Variants in ABCA13 observed in about 807,000 individuals in gnomAD.
The protein encoded by ABCA13 is ATP-binding cassette sub-family A member 13.
In ABCA13, 476 loss-of-function variants were observed where a neutral mutation model predicts 478.7. The ratio of observed to expected loss-of-function variants is 0.99; its 90% CI spans 0.92 to 1.07. The LOEUF is 1.07. Ranked by LOEUF, ABCA13 falls within the 50% of genes least tolerant of loss-of-function variation. The pLI, the probability that ABCA13 is intolerant of heterozygous loss-of-function variation, is 0.00. For synonymous variants in ABCA13, 2,252 were observed against 2,158.9 expected, an observed-to-expected ratio of 1.04 and a Z score of -1.20; for missense variants, 6,060 against 5,910.6, an observed-to-expected ratio of 1.03 and a Z score of -0.83.
intron 23 of ABCA13, among the ~76,000 whole-genome samples, chr7:48,309,515 A>T (rs1038666166): frequency 1.3e-5 from 2 of 152,164 alleles, no homozygotes; most frequent in African/African-American, 4.8e-5. Flanking sequence ...AGGAGCAAAA[A>T]ATATCAGCTT....
At chr7:48,240,024 C>T (rs1423467519) in intron 9 of ABCA13, among the ~76,000 whole-genome samples, 1 of 152,192 alleles carries the variant, frequency 6.6e-6, no homozygotes, top group Non-Finnish European at 1.5e-5. Flanking sequence ...AGGCAGAGCT[C>T]CCCTGGCAGT....
chr7:48,360,032 CTTTTA>C lies in ABCA13; in HGVS notation c.10688+7560_10688+7564del, dbSNP rs761776805. Among the ~76,000 whole-genome samples, 29 of 152,014 alleles carry C rather than the reference CTTTTA, an allele frequency of 1.9e-4. 2 individuals carry two copies. The highest frequency in any genetic ancestry group is 1.5e-3 in the South Asian group (7 of 4,826). On this transcript the variant is annotated intron_variant, in intron 31 of 61. Transcript: ENST00000435803. ...AGTTTAATTTCCTTTTTTGTTTTTA[CTTTTA>C]TTTTATTTTATTTTTTATTATACTT...
At chr7:48,299,913 A>G (rs1416441752) in intron 23 of ABCA13, among the ~76,000 whole-genome samples, 1 of 152,220 alleles carries the variant, frequency 6.6e-6, no homozygotes, top group Non-Finnish European at 1.5e-5. Flanking sequence ...AGTATGAATC[A>G]TTATGATCGC....
chr7:48,257,450 G>C (rs1793561858), intron 15 of ABCA13, among the ~76,000 whole-genome samples: 1 of 152,042 alleles, frequency 6.6e-6, no homozygotes, highest in African/African-American at 2.4e-5. Context: ...TCATCGATGG[G>C]CTGTTATTAC....
Position 48,278,163 on chromosome 7 carries a change from C to A in ABCA13, c.6969C>A (p.Asp2323Glu), listed in dbSNP as rs371354233. 6.5e-7 allele frequency: 1 copy of A among 1,546,350 alleles called. No individual in the cohort carries two copies. The highest frequency in any genetic ancestry group is 8.7e-7 in the Non-Finnish European group (1 of 1,143,476). ...AATTTCTTACCCTGATGATACAAGACAGATTGATGAACATTTTTTCAAGTT... is the reference window on the plus strand; with the variant it reads ...AATTTCTTACCCTGATGATACAAGAAAGATTGATGAACATTTTTTCAAGTT... ...LDQFLTLMIQ[D>E]RLMNIFSSLK... The change falls in exon 18 of 62, where the codon GAC becomes GAA. Residue 2323 changes from aspartate to glutamate, a missense_variant. Physicochemically the swap from Asp to Glu is conservative, Grantham distance 45 (BLOSUM62 2). Around this residue, in one of 3 missense-constraint regions of ABCA13, gnomAD observed 4,423 missense variants for 4,309.1 expected, o/e 1.03. Transcript: ENST00000435803.
chr7:48,372,181 T>C lies in ABCA13; in HGVS notation c.10817T>C (p.Met3606Thr). The C allele has an allele frequency of 1.2e-6, 2 of 1,612,998 alleles. No individual in the cohort carries two copies. The highest frequency in any genetic ancestry group is 1.7e-6 in the Non-Finnish European group (2 of 1,179,186). The change falls in exon 33 of 62, where the codon ATG (methionine) becomes ACG (threonine). Residue 3606 changes from methionine to threonine, a missense_variant. Physicochemically the swap from Met to Thr is moderately conservative, Grantham distance 81 (BLOSUM62 -1). This residue lies in a region of ABCA13 where 4,423 missense variants were observed against 4,309.1 expected (regional missense o/e 1.03). Coordinates refer to ENST00000435803, the MANE Select transcript of ABCA13 (RefSeq NM_152701.5). ...TCTTTTTGGTAGTATATGCGGATGATGGGAGTGCATCCAGTGATCCATTTC... is the reference window on the plus strand; with the variant it reads ...TCTTTTTGGTAGTATATGCGGATGACGGGAGTGCATCCAGTGATCCATTTC... The part of the protein sequence containing the change: ...EIQIEEYMRM[M>T]GVHPVIHFLA...
chr7:48,279,907 C>T lies in ABCA13; in HGVS notation c.8713C>T (p.Leu2905=), dbSNP rs751417267. Residue 2905 remains leucine (L), a synonymous_variant, in exon 18 of 62, where the codon CTA becomes TTA. Transcript: ENST00000435803. ...GACTAAATACTGGCAACAAATCCCA[C>T]TAACAGATCAAAGGTAATTAAAAAG... ...VLTKYWQQIP[L]TDQSVVEICE... is the part of the protein sequence containing the mutation. 8 of 1,518,464 alleles carry T rather than the reference C, an allele frequency of 5.3e-6. No homozygotes were observed. The South Asian group carries it at 8.2e-5, about 16-fold the overall frequency. The allele number at this position is 1,518,464 out of a possible 1,614,324, so 94.1% of individuals were successfully genotyped here.
chr7:48,483,729 G>C (rs1829012568), intron 47 of ABCA13, among the ~76,000 whole-genome samples: 1 of 152,236 alleles, frequency 6.6e-6, no homozygotes, highest in Admixed American at 6.5e-5. Context: ...TGATCCATCA[G>C]TAGGAATAGA....
chr7:48,578,717 G>A (rs1397395878), intron 55 of ABCA13, among the ~76,000 whole-genome samples: 1 of 152,110 alleles, frequency 6.6e-6, no homozygotes, highest in Non-Finnish European at 1.5e-5. Flanking sequence ...AGTTTATGTG[G>A]AAAGACAAAA....
At chr7:48,302,580 T>C (rs1800299398) in intron 23 of ABCA13, among the ~76,000 whole-genome samples, 1 of 152,186 alleles carries the variant, frequency 6.6e-6, no homozygotes. Flanking sequence ...CCAACTTATA[T>C]GTGAGAATTT....
At chr7:48,638,925 A>T (rs570195733) in intron 59 of ABCA13, among the ~76,000 whole-genome samples, 37 of 152,326 alleles carry the variant, frequency 2.4e-4, no homozygotes, top group African/African-American at 6.7e-4. Flanking sequence ...TTTGAGGTTA[A>T]TTACTCAGCT....
At chr7:48,558,517 T>G (rs1193467419) in intron 55 of ABCA13, among the ~76,000 whole-genome samples, 3 of 152,092 alleles carry the variant, frequency 2.0e-5, no homozygotes, top group African/African-American at 7.2e-5. Context: ...AGGCTGGTCT[T>G]GAACTCCTGA....
chr7:48,412,955 G>A (rs1819483443), intron 41 of ABCA13, among the ~76,000 whole-genome samples: 2 of 151,576 alleles, frequency 1.3e-5, no homozygotes, highest in African/African-American at 4.9e-5. Context: ...GGGAATACAG[G>A]CGCCCGCCAC....
At chr7:48,368,439 A>G (rs951631233) in intron 32 of ABCA13, among the ~76,000 whole-genome samples, 2 of 151,880 alleles carry the variant, frequency 1.3e-5, no homozygotes, top group African/African-American at 4.8e-5. Flanking sequence ...CCCAGTGTAT[A>G]GTCTTTTATC....
At position 48,393,821 on chromosome 7, in the gene ABCA13, T is replaced by C. The variant is rs527995174; in HGVS notation, c.11873+1682T>C. The stretch of plus-strand genomic sequence containing the variant: ...GAATGCTCCATTCCACCCTTCCTTT[T>C]ACTTGGCCTCTCCAGGTGCCATTGC... On this transcript the variant is annotated intron_variant, in intron 38 of 61. Coordinates refer to ENST00000435803, the MANE Select transcript of ABCA13 (RefSeq NM_152701.5). 1.7e-3 allele frequency among the ~76,000 whole-genome samples: 265 copies of C among 152,340 alleles called. 1 individual carries two copies. Among genetic ancestry groups the C allele is most frequent in the African/African-American group, 6.1e-3 (252 of 41,572 alleles).
At chr7:48,537,115 A>T (rs1833636447) in intron 55 of ABCA13, among the ~76,000 whole-genome samples, 1 of 152,150 alleles carries the variant, frequency 6.6e-6, no homozygotes. Context: ...AGGATGAAAT[A>T]TTAATTTATT....
intron 55 of ABCA13, among the ~76,000 whole-genome samples, chr7:48,576,227 A>G (rs1466431485): frequency 6.6e-6 from 1 of 152,158 alleles, no homozygotes; most frequent in Non-Finnish European, 1.5e-5. Flanking sequence ...CGACTGTACT[A>G]GAAGGAAGCC....
intron 29 of ABCA13, 98 bp downstream of exon 29, chr7:48,338,553 TC>T: frequency 1.3e-6 from 1 of 782,746 alleles, no homozygotes; most frequent in Non-Finnish European, 2.0e-6. Flanking sequence ...CTAGGTGACT[TC>T]CAGCAAGTCA....
At chr7:48,345,503 GAGTT>G (rs574189351) in intron 29 of ABCA13, among the ~76,000 whole-genome samples, 16 of 117,324 alleles carry the variant, frequency 1.4e-4, no homozygotes, top group African/African-American at 5.6e-4. Flanking sequence ...GTGGTTTTGT[GAGTT>G]AGTTTTTAAC....
Sources: allele counts gnomAD v4.1 joint callset (sites outside exome capture counted in the v4.1 genomes callset), GRCh38; gene constraint gnomAD v4.1.1; regional missense constraint gnomAD v4.1.1; transcripts MANE v1.5; gene names NCBI Gene and HGNC (gene_info 2026-07-23, HGNC 2026-07-21).